COL4A5: variants seen among roughly 807,000 people sequenced by gnomAD.
The protein encoded by COL4A5 is collagen alpha-5(IV) chain.
Under a neutral mutation model 130.2 loss-of-function variants are expected in COL4A5, and 26 were observed. The observed-to-expected ratio is 0.20, with a 90% CI of 0.15 to 0.28. The LOEUF (loss-of-function observed/expected upper bound fraction) is 0.28, where lower values mean the gene tolerates loss of function less well. Among genes scored for constraint, COL4A5 ranks in the 10% least tolerant of loss-of-function variants. COL4A5 has a pLI of 1.00. For synonymous variants in COL4A5, 496 were observed against 439.6 expected, an observed-to-expected ratio of 1.13 and a Z score of -1.60; for missense variants, 1,131 against 1,344.3, an observed-to-expected ratio of 0.84 and a Z score of 2.48.
chrX:108,459,354 T>C (rs941762055), intron 1 of COL4A5, among the ~76,000 whole-genome samples: 4 of 111,568 alleles, frequency 3.6e-5, no homozygotes, highest in African/African-American at 1.3e-4. Flanking sequence ...TAACGTTTAA[T>C]GTAAGTATTA....
At chrX:108,455,479 A>G (rs1205398376) in intron 1 of COL4A5, among the ~76,000 whole-genome samples, 1 of 112,241 alleles carries the variant, frequency 8.9e-6, no homozygotes, top group Non-Finnish European at 1.9e-5. Context: ...CTCAATTATA[A>G]CTTAACAAAG....
At chrX:108,686,203 C>T in intron 48 of COL4A5, 74 bp downstream of exon 48, 2 of 784,299 alleles carry the variant, frequency 2.6e-6, no homozygotes, top group African/African-American at 2.1e-5. Context: ...ATAGGGCCTC[C>T]ACTTAGAGCT....
In COL4A5 at chrX:108,681,776, TG is replaced by T. The variant is rs1569507535; in HGVS notation, c.4106del (p.Gly1369ValfsTer8). ...GTCTCATAGGTCCTCCTGGATTACC[TG>T]GTCCTTCAGGACAGAGTATCATAAT... The part of the protein sequence containing the change: ...IGPPGPPGLP[G>X]PSGQSIIIKG... On this transcript the variant is annotated frameshift_variant, in exon 47 of 53. Transcript: ENST00000328300. LOFTEE classifies it high-confidence loss of function. 8.3e-7 allele frequency: 1 copy of T among 1,208,022 alleles called. No homozygotes were observed. Among genetic ancestry groups the T allele is most frequent in the African/African-American group, 1.7e-5 (1 of 57,606 alleles).
chrX:108,442,089 T>C (rs1192227974), intron 1 of COL4A5, among the ~76,000 whole-genome samples: 2 of 111,870 alleles, frequency 1.8e-5, no homozygotes, highest in African/African-American at 6.5e-5. Flanking sequence ...AGGGTTTGTT[T>C]TTCCTGGTTC....
chrX:108,616,888 GAT>G (rs1349520781), intron 30 of COL4A5, among the ~76,000 whole-genome samples: 1 of 109,122 alleles, frequency 9.2e-6, no homozygotes, highest in African/African-American at 3.3e-5. Context: ...TAGATATAGA[GAT>G]ATTGATTTAT....
Position 108,606,010 on chromosome X carries a change from C to T in COL4A5, c.2245-732C>T, listed in dbSNP as rs144855498. Among the ~76,000 whole-genome samples, 114 of 111,695 alleles carry T rather than the reference C, an allele frequency of 1.0e-3. 4 individuals carry two copies. In the East Asian group the frequency reaches 0.031, roughly 30 times the overall value. On this transcript the variant is annotated intron_variant, in intron 28 of 52. Transcript: ENST00000328300. Reference sequence around the variant, plus strand: ...AAGAGCTGCTGTGGCATGTAATTATCGTGACTATTTTTATATATTTTATCT... The same window carrying T: ...AAGAGCTGCTGTGGCATGTAATTATTGTGACTATTTTTATATATTTTATCT...
chrX:108,552,225 T>C (rs762069558), intron 2 of COL4A5, among the ~76,000 whole-genome samples: 155 of 111,994 alleles, frequency 1.4e-3, no homozygotes, highest in Non-Finnish European at 2.4e-3. Flanking sequence ...AAAAATGTTA[T>C]ACAAATGGAA....
intron 7 of COL4A5, 119 bp from the exon 8 acceptor site, chrX:108,571,692 C>T (rs1372015911): frequency 5.0e-6 from 3 of 596,926 alleles, no homozygotes; most frequent in Middle Eastern, 7.1e-4. Context: ...AAGGTATATC[C>T]TATTCAGAAA....
At chrX:108,605,845 A>G (rs763782690) in intron 28 of COL4A5, among the ~76,000 whole-genome samples, 49 of 111,974 alleles carry the variant, frequency 4.4e-4, no homozygotes, top group Non-Finnish European at 8.1e-4. Context: ...CTCTGTCCCA[A>G]TTCCATTACA....
At chrX:108,636,910 A>G (rs1263483447) in intron 36 of COL4A5, among the ~76,000 whole-genome samples, 1 of 109,650 alleles carries the variant, frequency 9.1e-6, no homozygotes, top group Non-Finnish European at 1.9e-5. Context: ...CAAAGAAGAA[A>G]TCACGAGGGT....
intron 1 of COL4A5, among the ~76,000 whole-genome samples, chrX:108,465,128 T>A (rs2064692927): frequency 8.9e-6 from 1 of 112,081 alleles, no homozygotes. Context: ...CAAGTCATTT[T>A]GTACACATAA....
chrX:108,639,348 A>G (rs1032197125), intron 36 of COL4A5, among the ~76,000 whole-genome samples: 1 of 111,118 alleles, frequency 9.0e-6, no homozygotes, highest in African/African-American at 3.3e-5. Flanking sequence ...ATGGAGTTGA[A>G]CCATTTTCTT....
At chrX:108,515,980 T>C (rs1326925987) in intron 1 of COL4A5, among the ~76,000 whole-genome samples, 3 of 111,993 alleles carry the variant, frequency 2.7e-5, no homozygotes, top group Non-Finnish European at 5.6e-5. Context: ...GAAAATACCA[T>C]GGGAACTTTC....
chrX:108,542,067 A>G (rs2065551231), intron 2 of COL4A5, among the ~76,000 whole-genome samples: 2 of 112,136 alleles, frequency 1.8e-5, no homozygotes, highest in Admixed American at 9.5e-5. Context: ...GCGTGACCAA[A>G]TAAGGAATCA....
intron 6 of COL4A5, among the ~76,000 whole-genome samples, chrX:108,569,962 G>A: frequency 9.0e-6 from 1 of 111,485 alleles, no homozygotes; most frequent in South Asian, 3.8e-4. Flanking sequence ...TTACAGGTGC[G>A]AGCCACCGCG....
intron 22 of COL4A5, 96 bp from the exon 23 acceptor site, chrX:108,596,902 T>G (rs1227085386): frequency 1.1e-6 from 1 of 899,426 alleles, no homozygotes; most frequent in African/African-American, 2.0e-5. Context: ...CTTGACTTTC[T>G]GACTTGATGA....
chrX:108,680,707 G>A lies in COL4A5; in HGVS notation c.3971G>A (p.Gly1324Glu), dbSNP rs763752257. The change falls in exon 45 of 53, where the codon GGA becomes GAA. Residue 1324 changes from glycine to glutamate, a missense_variant. Gly to Glu is a moderately conservative substitution (Grantham distance 98). Transcript: ENST00000328300. ...QGNPGRPGLN[G>E]MKGDPGLPGV... ...AATCCTGGCCGGCCGGGTCTCAATG[G>A]AATGAAAGGAGATCCTGGTCTCCCT... 8.3e-7 allele frequency: 1 copy of A among 1,210,645 alleles called. No homozygotes were observed. Among genetic ancestry groups the A allele is most frequent in the Non-Finnish European group, 1.1e-6 (1 of 894,794 alleles).
chrX:108,481,091 C>T (rs2064885318), intron 1 of COL4A5, among the ~76,000 whole-genome samples: 1 of 110,868 alleles, frequency 9.0e-6, no homozygotes, highest in Admixed American at 9.6e-5. Flanking sequence ...AGTCTGGGGA[C>T]CCTCTGGAAC....
At chrX:108,582,082 A>G (rs1332954130) in intron 16 of COL4A5, among the ~76,000 whole-genome samples, 1 of 111,404 alleles carries the variant, frequency 9.0e-6, no homozygotes, top group East Asian at 2.8e-4. Flanking sequence ...ATTCTAAGGG[A>G]AAAGGATAAT....
Sources: allele counts gnomAD v4.1 joint callset (sites outside exome capture counted in the v4.1 genomes callset), GRCh38; gene constraint gnomAD v4.1.1; transcripts MANE v1.5; gene names NCBI Gene and HGNC (gene_info 2026-07-23, HGNC 2026-07-21).